The following GPC6 variants were observed in gnomAD, a reference collection of about 807,000 sequenced individuals.
The protein encoded by GPC6 is glypican 6.
Under a neutral mutation model 55.2 loss-of-function variants are expected in GPC6, and 14 were observed. That is an observed-to-expected ratio of 0.25 (90% CI 0.17 to 0.40). The LOEUF (loss-of-function observed/expected upper bound fraction) is 0.40. Ranked by LOEUF, GPC6 falls within the 10% of genes least tolerant of loss-of-function variation. The probability of loss-of-function intolerance (pLI) is 1.00; values close to 1 mark genes in which losing one functional copy is unlikely to be tolerated. For synonymous variants in GPC6, 278 were observed against 259.6 expected, an observed-to-expected ratio of 1.07 and a Z score of -0.68; for missense variants, 641 against 708.5, an observed-to-expected ratio of 0.90 and a Z score of 1.08.
At chr13:93,329,228 C>T (rs1032809708) in intron 1 of GPC6, among the ~76,000 whole-genome samples, 2 of 152,124 alleles carry the variant, frequency 1.3e-5, no homozygotes, top group African/African-American at 4.8e-5. Flanking sequence ...AACCTAACTG[C>T]CCACAGATAA....
intron 4 of GPC6, among the ~76,000 whole-genome samples, chr13:94,089,429 A>T (rs537570924): frequency 7.7e-4 from 118 of 152,314 alleles, no homozygotes; most frequent in African/African-American, 2.8e-3. Context: ...TCAGATAGAA[A>T]GGATTCTTAC....
chr13:94,112,501 A>G (rs1191973128), intron 4 of GPC6, among the ~76,000 whole-genome samples: 1 of 152,168 alleles, frequency 6.6e-6, no homozygotes, highest in Non-Finnish European at 1.5e-5. Flanking sequence ...TGAACTCCTT[A>G]AAACTTATGT....
At chr13:94,291,866 G>A (rs1874998822) in intron 5 of GPC6, among the ~76,000 whole-genome samples, 3 of 152,132 alleles carry the variant, frequency 2.0e-5, no homozygotes, top group African/African-American at 4.8e-5. Context: ...CCTAATTAGG[G>A]CCAGATATCC....
chr13:93,932,381 G>A (rs1034812263), intron 3 of GPC6, among the ~76,000 whole-genome samples: 2 of 151,954 alleles, frequency 1.3e-5, no homozygotes, highest in African/African-American at 4.8e-5. Flanking sequence ...TCCAAGAATC[G>A]CTATTCTAGA....
chr13:93,616,144 T>G (rs1878709026), intron 2 of GPC6, among the ~76,000 whole-genome samples: 2 of 152,150 alleles, frequency 1.3e-5, no homozygotes, highest in South Asian at 4.1e-4. Context: ...GGTAAGAATT[T>G]GTATTAAAAT....
At chr13:94,325,090 G>A (rs903519981) in intron 6 of GPC6, among the ~76,000 whole-genome samples, 2 of 151,934 alleles carry the variant, frequency 1.3e-5, no homozygotes, top group South Asian at 2.1e-4. Context: ...CTTCTTTGTC[G>A]TCCACAGTAC....
intron 3 of GPC6, among the ~76,000 whole-genome samples, chr13:93,890,395 A>G (rs1437098917): frequency 6.6e-6 from 1 of 151,988 alleles, no homozygotes; most frequent in Admixed American, 6.6e-5. Context: ...GCCTTTATAT[A>G]CCTTCAATTA....
chr13:94,118,146 A>G (rs999039286), intron 4 of GPC6, among the ~76,000 whole-genome samples: 7 of 152,036 alleles, frequency 4.6e-5, no homozygotes, highest in Admixed American at 2.0e-4. Context: ...CTCATCTTGA[A>G]TTGTAGTTCT....
intron 3 of GPC6, among the ~76,000 whole-genome samples, chr13:93,873,023 A>G (rs1889177458): frequency 6.6e-6 from 1 of 152,004 alleles, no homozygotes; most frequent in Non-Finnish European, 1.5e-5. Flanking sequence ...ATGTAAAACA[A>G]TAATACAACA....
At chr13:94,080,126 C>A (rs1885053062) in intron 4 of GPC6, among the ~76,000 whole-genome samples, 1 of 152,150 alleles carries the variant, frequency 6.6e-6, no homozygotes, top group Non-Finnish European at 1.5e-5. Flanking sequence ...AGAGACCAGT[C>A]ATTTGAGATT....
intron 1 of GPC6, among the ~76,000 whole-genome samples, chr13:93,457,926 G>C (rs1373835801): frequency 6.6e-6 from 1 of 152,138 alleles, no homozygotes; most frequent in Non-Finnish European, 1.5e-5. Context: ...GACTTGAAAT[G>C]TTGAGCCATT....
chr13:94,161,994 T>C (rs749053232), intron 4 of GPC6, among the ~76,000 whole-genome samples: 8 of 152,114 alleles, frequency 5.3e-5, no homozygotes, highest in Admixed American at 3.9e-4. Flanking sequence ...ATAAGACTTA[T>C]TCACTACTAC....
At chr13:94,102,145 G>C (rs1885887481) in intron 4 of GPC6, among the ~76,000 whole-genome samples, 1 of 151,846 alleles carries the variant, frequency 6.6e-6, no homozygotes, top group Admixed American at 6.6e-5. Flanking sequence ...CTGGCAGCAG[G>C]GAATAAAAAT....
At chr13:93,518,159 C>T (rs1881274253) in intron 1 of GPC6, among the ~76,000 whole-genome samples, 1 of 151,828 alleles carries the variant, frequency 6.6e-6, no homozygotes, top group Non-Finnish European at 1.5e-5. Flanking sequence ...TCACAGAATC[C>T]TGAATTTTAT....
At chr13:94,165,284 A>T (rs571301855) in intron 4 of GPC6, among the ~76,000 whole-genome samples, 10 of 148,774 alleles carry the variant, frequency 6.7e-5, no homozygotes, top group Admixed American at 4.7e-4. Flanking sequence ...ACATATATAT[A>T]TATATATACA....
chr13:94,261,695 G>A (rs1471163421), intron 4 of GPC6, among the ~76,000 whole-genome samples: 1 of 152,200 alleles, frequency 6.6e-6, no homozygotes, highest in Non-Finnish European at 1.5e-5. Flanking sequence ...ATGGGCAGGA[G>A]GAGACAGAGA....
chr13:94,384,504 G>A (rs1212813038), intron 7 of GPC6, among the ~76,000 whole-genome samples: 1 of 152,146 alleles, frequency 6.6e-6, no homozygotes, highest in Non-Finnish European at 1.5e-5. Context: ...TGTCACACAG[G>A]TTGCTGATAT....
intron 1 of GPC6, among the ~76,000 whole-genome samples, chr13:93,427,915 T>G (rs556728624): frequency 6.6e-6 from 1 of 152,328 alleles, no homozygotes; most frequent in South Asian, 2.1e-4. Context: ...AAAAGTTTTA[T>G]GCAGTCAGTA....
chr13:94,025,324 A>C (rs988831630), intron 3 of GPC6: 58 of 152,332 alleles, frequency 3.8e-4, no homozygotes, highest in African/African-American at 1.4e-3. Flanking sequence ...AGTTTGCAAG[A>C]TAGCAACCAT....
Sources: allele counts gnomAD v4.1 joint callset (sites outside exome capture counted in the v4.1 genomes callset), GRCh38; gene constraint gnomAD v4.1.1; transcripts MANE v1.5; gene names NCBI Gene and HGNC (gene_info 2026-07-23, HGNC 2026-07-21).